FTCDNL1: variants seen among roughly 807,000 people sequenced by gnomAD.
FTCDNL1 encodes formiminotransferase cyclodeaminase N-terminal like.
In FTCDNL1, 11 loss-of-function variants were observed where a neutral mutation model predicts 5.9. The observed-to-expected ratio is 1.87, with a 90% CI of 1.18 to 3.10. The LOEUF (loss-of-function observed/expected upper bound fraction) is 3.10, where lower values mean the gene tolerates loss of function less well. Among genes scored for constraint, FTCDNL1 ranks in the 30% most tolerant of loss-of-function variants. The pLI, the probability that FTCDNL1 is intolerant of heterozygous loss-of-function variation, is 0.00. For missense variants in FTCDNL1, 115 were observed against 65.5 expected (o/e 1.76, Z -2.61); for synonymous variants, 58 against 24.8 (o/e 2.34, Z -3.99).
chr2:199,674,526 A>G, the FTCDNL1 span, among the ~76,000 whole-genome samples: 9 of 152,308 alleles, frequency 5.9e-5, no homozygotes, highest in East Asian at 1.5e-3. Flanking sequence ...TCACTCTTCA[A>G]TGCAATTTAA....
At chr2:199,801,849 A>T (rs1439461800) in intron 3 of FTCDNL1, among the ~76,000 whole-genome samples, 1 of 150,032 alleles carries the variant, frequency 6.7e-6, no homozygotes, top group Non-Finnish European at 1.5e-5. Context: ...GAGGCAGGAG[A>T]ATGGCATGAA....
At chr2:199,664,900 A>G in the FTCDNL1 span, among the ~76,000 whole-genome samples, 1 of 152,228 alleles carries the variant, frequency 6.6e-6, no homozygotes, top group African/African-American at 2.4e-5. Flanking sequence ...TAGCCTGGAC[A>G]ACCAGTAGGC....
At chr2:199,752,679 GTC>G in the FTCDNL1 span, among the ~76,000 whole-genome samples, 2 of 151,142 alleles carry the variant, frequency 1.3e-5, no homozygotes, top group Non-Finnish European at 1.5e-5. Context: ...TAAAATTAAT[GTC>G]TCTGTCTCTG....
chr2:199,796,716 T>A (rs1208520736), intron 3 of FTCDNL1, among the ~76,000 whole-genome samples: 1 of 152,150 alleles, frequency 6.6e-6, no homozygotes, highest in East Asian at 1.9e-4. Flanking sequence ...AATTTACTCA[T>A]ATTACAAAAT....
intron 3 of FTCDNL1, among the ~76,000 whole-genome samples, chr2:199,803,543 C>A (rs1001426911): frequency 2.3e-4 from 35 of 152,326 alleles, no homozygotes; most frequent in African/African-American, 7.9e-4. Flanking sequence ...TGTCTCACTG[C>A]AGCCTTGATC....
At chr2:199,796,661 T>C (rs555540829) in intron 3 of FTCDNL1, among the ~76,000 whole-genome samples, 33 of 152,292 alleles carry the variant, frequency 2.2e-4, no homozygotes, top group African/African-American at 7.5e-4. Context: ...AGCTGATTAA[T>C]TGTGACTGAC....
At chr2:199,826,242 C>G (rs568107366) in intron 3 of FTCDNL1, among the ~76,000 whole-genome samples, 1 of 152,216 alleles carries the variant, frequency 6.6e-6, no homozygotes, top group East Asian at 1.9e-4. Flanking sequence ...GTAGCAACCC[C>G]CAGCTGTCTG....
At chr2:199,715,673 G>C in the FTCDNL1 span, among the ~76,000 whole-genome samples, 1 of 152,066 alleles carries the variant, frequency 6.6e-6, no homozygotes, top group Admixed American at 6.5e-5. Context: ...TCCCTACAAG[G>C]GATAGCAACC....
intron 3 of FTCDNL1, among the ~76,000 whole-genome samples, chr2:199,763,534 C>T (rs1698369484): frequency 1.3e-5 from 2 of 152,160 alleles, no homozygotes; most frequent in African/African-American, 4.8e-5. Flanking sequence ...CTCACCTTTC[C>T]CCAAGCTCCC....
At chr2:199,740,440 A>T in the FTCDNL1 span, among the ~76,000 whole-genome samples, 1 of 152,150 alleles carries the variant, frequency 6.6e-6, no homozygotes, top group Admixed American at 6.5e-5. Flanking sequence ...TTTCTGCCCC[A>T]TTCCCTCTTG....
At chr2:199,840,939 C>T (rs1384106147) in intron 3 of FTCDNL1, among the ~76,000 whole-genome samples, 1 of 151,664 alleles carries the variant, frequency 6.6e-6, no homozygotes, top group Non-Finnish European at 1.5e-5. Flanking sequence ...TTGCTTAAGC[C>T]TAGGAATTCA....
the FTCDNL1 span, among the ~76,000 whole-genome samples, chr2:199,730,489 T>G: frequency 6.6e-6 from 1 of 151,850 alleles, no homozygotes; most frequent in Non-Finnish European, 1.5e-5. Flanking sequence ...TTAAACAAAT[T>G]TATAAGAAAA....
the FTCDNL1 span, among the ~76,000 whole-genome samples, chr2:199,671,516 G>A: frequency 1.3e-5 from 2 of 152,114 alleles, no homozygotes; most frequent in Admixed American, 6.6e-5. Flanking sequence ...TATCCTGGAC[G>A]AGTCAAGTCA....
the FTCDNL1 span, among the ~76,000 whole-genome samples, chr2:199,695,846 C>T: frequency 6.6e-6 from 1 of 152,222 alleles, no homozygotes; most frequent in Non-Finnish European, 1.5e-5. Flanking sequence ...CCCCAAGGAT[C>T]ACCATACTCC....
chr2:199,831,157 C>T (rs1427983753), intron 3 of FTCDNL1, among the ~76,000 whole-genome samples: 1 of 152,112 alleles, frequency 6.6e-6, no homozygotes, highest in African/African-American at 2.4e-5. Context: ...ACTTGCATCT[C>T]TGAGTTGTCA....
the FTCDNL1 span, among the ~76,000 whole-genome samples, chr2:199,723,120 C>T: frequency 9.9e-5 from 15 of 152,102 alleles, no homozygotes; most frequent in East Asian, 2.7e-3. Flanking sequence ...CCCCCTGCCC[C>T]CACCAATAGG....
chr2:199,674,476 A>G, the FTCDNL1 span, among the ~76,000 whole-genome samples: 1 of 152,176 alleles, frequency 6.6e-6, no homozygotes, highest in Non-Finnish European at 1.5e-5. Flanking sequence ...CCAGCACACT[A>G]TTTCCAAATA....
chr2:199,710,098 T>C, the FTCDNL1 span, among the ~76,000 whole-genome samples: 1 of 152,276 alleles, frequency 6.6e-6, no homozygotes, highest in Non-Finnish European at 1.5e-5. Flanking sequence ...CCAAAGTGCA[T>C]GTTCCTAGCT....
intron 3 of FTCDNL1, among the ~76,000 whole-genome samples, chr2:199,821,640 T>G (rs1701699441): frequency 6.6e-6 from 1 of 151,802 alleles, no homozygotes; most frequent in African/African-American, 2.4e-5. Context: ...AATTTTTGTA[T>G]TTTTAGTAAA....
Sources: allele counts gnomAD v4.1 joint callset (sites outside exome capture counted in the v4.1 genomes callset), GRCh38; gene constraint gnomAD v4.1.1; transcripts MANE v1.5; gene names NCBI Gene and HGNC (gene_info 2026-07-23, HGNC 2026-07-21).